The following TMEM51 variants were observed in gnomAD, a reference collection of about 807,000 sequenced individuals.
The protein encoded by TMEM51 is chromosome 1 open reading frame 72.
In TMEM51, 8 loss-of-function variants were observed where a neutral mutation model predicts 13.6. That is an observed-to-expected ratio of 0.59 (90% confidence interval 0.35 to 1.07). The LOEUF (loss-of-function observed/expected upper bound fraction) is 1.07, where lower values mean the gene tolerates loss of function less well. Ranked by LOEUF, TMEM51 falls within the 50% of genes least tolerant of loss-of-function variation. The probability of loss-of-function intolerance (pLI) is 0.02; values close to 1 mark genes in which losing one functional copy is unlikely to be tolerated. For synonymous variants in TMEM51, 147 were observed against 144.4 expected (o/e 1.02, Z -0.13); for missense variants, 279 against 330.7 (o/e 0.84, Z 1.21).
intron 1 of TMEM51, among the ~76,000 whole-genome samples, chr1:15,156,136 C>T (rs6429715): frequency 0.44 from 66,626 of 151,936 alleles, 16,346 homozygotes; most frequent in African/African-American, 0.68. Context: ...CAGCCTGGTC[C>T]CCTGCCAGAG....
At position 15,174,095 on chromosome 1, in the gene TMEM51, GGAA is replaced by G. The variant is rs145044599; in HGVS notation, c.-267+20143_-267+20145del. ...TGCAGTTCCGCTGGAAGGAGGTTGG[GGAA>G]GGTCAGAAATCAGGGCGGGAACTTC... is the stretch of plus-strand genomic sequence containing the variant. On this transcript the variant is annotated intron_variant, in intron 1 of 3. Transcript: ENST00000376008. Among the ~76,000 whole-genome samples, 834 of 152,298 alleles carry G rather than the reference GGAA, an allele frequency of 5.5e-3. 13 individuals are homozygous for G. The highest frequency in any genetic ancestry group is 0.019 in the African/African-American group (786 of 41,564).
chr1:15,169,037 AGT>A (rs928910255), intron 1 of TMEM51, among the ~76,000 whole-genome samples: 1 of 152,178 alleles, frequency 6.6e-6, no homozygotes, highest in African/African-American at 2.4e-5. Context: ...AAGGCACTCC[AGT>A]TACATTTTCA....
At chr1:15,162,043 GGAGAGA>G (rs1162641911) in intron 1 of TMEM51, among the ~76,000 whole-genome samples, 1 of 143,566 alleles carries the variant, frequency 7.0e-6, no homozygotes. Flanking sequence ...AGAGAGAAGA[GGAGAGA>G]AGGAGTGGGG....
At chr1:15,182,824 G>A (rs1457984845) in intron 1 of TMEM51, among the ~76,000 whole-genome samples, 2 of 152,230 alleles carry the variant, frequency 1.3e-5, no homozygotes, top group East Asian at 1.9e-4. Flanking sequence ...GTGCAGTGGC[G>A]TGATCTCATC....
At chr1:15,160,839 C>T (rs1019073471) in intron 1 of TMEM51, among the ~76,000 whole-genome samples, 1 of 151,892 alleles carries the variant, frequency 6.6e-6, no homozygotes, top group African/African-American at 2.4e-5. Flanking sequence ...AGCCCAGGAA[C>T]GAGGGAGAGT....
intron 1 of TMEM51, among the ~76,000 whole-genome samples, chr1:15,156,555 T>C (rs6659235): frequency 0.22 from 33,840 of 152,148 alleles, 5,100 homozygotes; most frequent in African/African-American, 0.43. Context: ...GGCTGCTGAC[T>C]TTTGCTTTCA....
chr1:15,196,080 T>G (rs1235826559), intron 1 of TMEM51, among the ~76,000 whole-genome samples: 1 of 152,190 alleles, frequency 6.6e-6, no homozygotes, highest in Non-Finnish European at 1.5e-5. Context: ...TCACTGCATC[T>G]GACAATTGCA....
At chr1:15,202,404 G>A (rs1027285019) in intron 1 of TMEM51, among the ~76,000 whole-genome samples, 1 of 152,170 alleles carries the variant, frequency 6.6e-6, no homozygotes, top group African/African-American at 2.4e-5. Flanking sequence ...CTTCATGGCT[G>A]AAAACAACAC....
chr1:15,199,374 A>G (rs911130826), intron 1 of TMEM51, among the ~76,000 whole-genome samples: 2 of 152,022 alleles, frequency 1.3e-5, no homozygotes, highest in African/African-American at 4.8e-5. Flanking sequence ...CTTTTAGCTG[A>G]TCCACCCTCC....
intron 1 of TMEM51, among the ~76,000 whole-genome samples, chr1:15,163,638 T>TTTTTTTTTTTTTTTTGAGACAGAGTCTC: frequency 6.6e-6 from 1 of 151,412 alleles, no homozygotes; most frequent in Non-Finnish European, 1.5e-5. Context: ...TGTTATTTTT[T>TTTTTTTTTTTTTTTTGAGACAGAGTCTC]GTAATAATAG....
At chr1:15,206,643 G>A (rs1016031734) in intron 1 of TMEM51, among the ~76,000 whole-genome samples, 4 of 152,312 alleles carry the variant, frequency 2.6e-5, no homozygotes, top group East Asian at 1.9e-4. Flanking sequence ...TGAGGATCGG[G>A]TGAGTTTAGG....
At chr1:15,209,789 T>A (rs889909719) in intron 1 of TMEM51, among the ~76,000 whole-genome samples, 6 of 152,192 alleles carry the variant, frequency 3.9e-5, no homozygotes, top group Admixed American at 3.9e-4. Context: ...CCCAGCACTT[T>A]GGGAGGCCAA....
chr1:15,191,652 T>C (rs1643923601), intron 1 of TMEM51, among the ~76,000 whole-genome samples: 1 of 152,122 alleles, frequency 6.6e-6, no homozygotes, highest in South Asian at 2.1e-4. Context: ...ATGACTGCTA[T>C]TTTCTCTTCC....
At chr1:15,213,852 T>A (rs1644380655) in intron 2 of TMEM51, among the ~76,000 whole-genome samples, 1 of 152,066 alleles carries the variant, frequency 6.6e-6, no homozygotes, top group African/African-American at 2.4e-5. Context: ...TGCAAACTTT[T>A]TTTTTTCGAG....
At chr1:15,171,058 T>TG (rs1643252211) in intron 1 of TMEM51, 3 of 821,872 alleles carry the variant, frequency 3.7e-6, no homozygotes. Context: ...TCCTCTGGGG[T>TG]GGGGGGCTTG....
intron 1 of TMEM51, among the ~76,000 whole-genome samples, chr1:15,171,502 G>C (rs537698466): frequency 6.6e-5 from 10 of 152,246 alleles, no homozygotes; most frequent in Non-Finnish European, 8.8e-5. Context: ...GTGTCCGCGG[G>C]GGGGCCTGGG....
intron 1 of TMEM51, 21 bp downstream of exon 1, chr1:15,153,975 C>T (rs1476338798): frequency 1.3e-5 from 2 of 152,426 alleles, no homozygotes; most frequent in African/African-American, 2.4e-5. Context: ...GCCGCCGCGC[C>T]TTGCGCCCGC....
intron 2 of TMEM51, among the ~76,000 whole-genome samples, chr1:15,211,290 G>T (rs1216304577): frequency 6.6e-6 from 1 of 152,122 alleles, no homozygotes; most frequent in African/African-American, 2.4e-5. Flanking sequence ...AGGATGCCCT[G>T]TGTATCTATT....
chr1:15,156,273 G>A (rs1167331753), intron 1 of TMEM51, among the ~76,000 whole-genome samples: 1 of 152,206 alleles, frequency 6.6e-6, no homozygotes, highest in East Asian at 1.9e-4. Flanking sequence ...GGATGGGAAA[G>A]CTGGAGGCAG....
Sources: allele counts gnomAD v4.1 joint callset (sites outside exome capture counted in the v4.1 genomes callset), GRCh38; gene constraint gnomAD v4.1.1; transcripts MANE v1.5; gene names NCBI Gene and HGNC (gene_info 2026-07-23, HGNC 2026-07-21).